CHSY3: variants seen among roughly 807,000 people sequenced by gnomAD.
The protein encoded by CHSY3 is chondroitin sulfate synthase 3, also known as N-acetylgalactosaminyl-proteoglycan 3-beta-glucuronosyltransferase 3.
CHSY3 carries 35 observed loss-of-function variants against 67.2 expected under a neutral mutation model. The observed-to-expected ratio is 0.52, with a 90% CI of 0.40 to 0.69. The LOEUF (loss-of-function observed/expected upper bound fraction) is 0.69, where lower values mean the gene tolerates loss of function less well. CHSY3 is among the 30% of genes least tolerant of loss of function. CHSY3 has a pLI of 0.00. For missense variants in CHSY3, 1,069 were observed against 1,138.5 expected (o/e 0.94, Z 0.88); for synonymous variants, 474 against 434.7 (o/e 1.09, Z -1.12).
At chr5:129,905,799 G>T in intron 1 of CHSY3, 168 bp downstream of exon 1, 1 of 1,351,664 alleles carries the variant, frequency 7.4e-7, no homozygotes, top group South Asian at 1.6e-5. Context: ...CCCACAATTC[G>T]TAGCCCGTTC....
intron 2 of CHSY3, among the ~76,000 whole-genome samples, chr5:129,948,703 G>A (rs913756929): frequency 3.3e-5 from 5 of 152,166 alleles, no homozygotes; most frequent in South Asian, 2.1e-4. Flanking sequence ...TGGATACCCA[G>A]TAGTGGGATT....
intron 2 of CHSY3, among the ~76,000 whole-genome samples, chr5:130,156,979 T>C (rs1769390408): frequency 6.6e-6 from 1 of 152,244 alleles, no homozygotes; most frequent in Non-Finnish European, 1.5e-5. Flanking sequence ...TGGGGTTAAA[T>C]TCCTTTTCTA....
intron 2 of CHSY3, among the ~76,000 whole-genome samples, chr5:130,022,669 A>G (rs1417364264): frequency 6.6e-6 from 1 of 151,982 alleles, no homozygotes; most frequent in East Asian, 1.9e-4. Flanking sequence ...ATATCATCAG[A>G]TCATTTAATG....
intron 2 of CHSY3, among the ~76,000 whole-genome samples, chr5:130,161,405 T>C (rs1045876759): frequency 9.2e-5 from 14 of 152,214 alleles, no homozygotes; most frequent in African/African-American, 3.1e-4. Flanking sequence ...GTCCTTCTTT[T>C]CAAGATTTTT....
chr5:129,964,339 G>A (rs940391875), intron 2 of CHSY3, among the ~76,000 whole-genome samples: 1 of 151,882 alleles, frequency 6.6e-6, no homozygotes, highest in Non-Finnish European at 1.5e-5. Flanking sequence ...TACTGCCCTA[G>A]CATCTTCTGT....
Position 130,184,915 on chromosome 5 carries a change from TCA to T in CHSY3, c.1774_1775del (p.Gln592ValfsTer7). 1 of 1,544,848 alleles carries T rather than the reference TCA, an allele frequency of 6.5e-7. No individual in the cohort carries two copies. Among genetic ancestry groups the T allele is most frequent in the Non-Finnish European group, 9.0e-7 (1 of 1,117,042 alleles). ...SLVESINSET[Q>X]SFSFISNSLK... ...TTGTGGAGAGTATTAACAGTGAAAC[TCA>T]GTCATTCTCCTTTATATCTAATTCT... On this transcript the variant is annotated frameshift_variant, in exon 3 of 3. Coordinates refer to ENST00000305031, the MANE Select transcript of CHSY3 (RefSeq NM_175856.5). LOFTEE classifies it high-confidence loss of function.
At chr5:129,912,080 A>C (rs32229) in intron 2 of CHSY3, among the ~76,000 whole-genome samples, 71,170 of 151,920 alleles carry the variant, frequency 0.47, 17,727 homozygotes, top group Middle Eastern at 0.59. Context: ...ACAACAACAA[A>C]AAAACTTACT....
At chr5:130,180,403 T>C (rs1770208437) in intron 2 of CHSY3, among the ~76,000 whole-genome samples, 1 of 152,170 alleles carries the variant, frequency 6.6e-6, no homozygotes, top group Non-Finnish European at 1.5e-5. Flanking sequence ...ATATATTACA[T>C]TTTACTGATA....
chr5:129,917,188 T>C (rs1186248882), intron 2 of CHSY3, among the ~76,000 whole-genome samples: 1 of 152,220 alleles, frequency 6.6e-6, no homozygotes, highest in Non-Finnish European at 1.5e-5. Flanking sequence ...ACACAAGTTA[T>C]TTGACCTCTC....
At chr5:130,040,104 A>G (rs1561509178) in intron 2 of CHSY3, among the ~76,000 whole-genome samples, 1 of 152,232 alleles carries the variant, frequency 6.6e-6, no homozygotes, top group East Asian at 1.9e-4. Context: ...CGACCACAGT[A>G]TTACTATTGC....
chr5:129,920,533 C>A (rs1055068201), intron 2 of CHSY3, among the ~76,000 whole-genome samples: 2 of 152,162 alleles, frequency 1.3e-5, no homozygotes, highest in Non-Finnish European at 2.9e-5. Flanking sequence ...TGTGAGCTAC[C>A]ATGCCCAGCC....
At chr5:130,085,247 G>A (rs1295818010) in intron 2 of CHSY3, among the ~76,000 whole-genome samples, 1 of 152,054 alleles carries the variant, frequency 6.6e-6, no homozygotes, top group East Asian at 1.9e-4. Context: ...ACTAAAATTT[G>A]TAAAACTTTT....
rs764180115 is a variant in CHSY3, at chr5:130,184,731, A to G, written c.1589A>G (p.Asn530Ser). ...KEIQYGYRRVNPMHGVEYILD... is the reference protein window; with the variant it reads ...KEIQYGYRRVSPMHGVEYILD... ...ATTCAGTATGGCTACCGCAGAGTTAACCCCATGCACGGGGTGGAGTACATT... is the reference window on the plus strand; with the variant it reads ...ATTCAGTATGGCTACCGCAGAGTTAGCCCCATGCACGGGGTGGAGTACATT... Residue 530 changes from asparagine to serine, a missense_variant, in exon 3 of 3, where the codon AAC becomes AGC. Physicochemically the swap from Asn to Ser is conservative, Grantham distance 46 (BLOSUM62 1). Coordinates refer to ENST00000305031, the MANE Select transcript of CHSY3 (RefSeq NM_175856.5). 1 of 1,606,988 alleles carries G rather than the reference A, an allele frequency of 6.2e-7. No individual in the cohort carries two copies. Among genetic ancestry groups the G allele is most frequent in the Non-Finnish European group, 8.5e-7 (1 of 1,173,520 alleles).
At chr5:129,905,747 C>T in intron 1 of CHSY3, 116 bp downstream of exon 1, 2 of 1,518,400 alleles carry the variant, frequency 1.3e-6, no homozygotes, top group Non-Finnish European at 1.8e-6. Flanking sequence ...GTGCTTCGGG[C>T]TCCCACAGGC....
intron 2 of CHSY3, among the ~76,000 whole-genome samples, chr5:130,154,021 A>G (rs2149725193): frequency 6.6e-6 from 1 of 152,136 alleles, no homozygotes; most frequent in Admixed American, 6.5e-5. Flanking sequence ...GTTTCAAGTG[A>G]TTCTCCAGCC....
intron 2 of CHSY3, among the ~76,000 whole-genome samples, chr5:130,093,623 GA>G (rs1169998076): frequency 6.6e-6 from 1 of 152,010 alleles, no homozygotes; most frequent in African/African-American, 2.4e-5. Context: ...ATTTTGCATT[GA>G]AAGAAACTGA....
At chr5:129,922,781 A>G (rs1248667455) in intron 2 of CHSY3, among the ~76,000 whole-genome samples, 5 of 152,096 alleles carry the variant, frequency 3.3e-5, no homozygotes, top group African/African-American at 9.7e-5. Context: ...CCCATTGTAT[A>G]GGTTGTTTCT....
intron 2 of CHSY3, among the ~76,000 whole-genome samples, chr5:130,167,234 A>G (rs1041902319): frequency 6.6e-6 from 1 of 152,126 alleles, no homozygotes; most frequent in Non-Finnish European, 1.5e-5. Context: ...AAGTACTGGA[A>G]GACATTAGAG....
chr5:130,063,543 C>A (rs2149677811), intron 2 of CHSY3, among the ~76,000 whole-genome samples: 1 of 152,208 alleles, frequency 6.6e-6, no homozygotes, highest in East Asian at 1.9e-4. Context: ...TTATTGTTGT[C>A]ATTAAATAAT....
Sources: allele counts gnomAD v4.1 joint callset (sites outside exome capture counted in the v4.1 genomes callset), GRCh38; gene constraint gnomAD v4.1.1; transcripts MANE v1.5; gene names NCBI Gene and HGNC (gene_info 2026-07-23, HGNC 2026-07-21).